KLF12: variants seen among roughly 807,000 people sequenced by gnomAD.
KLF12 encodes KLF transcription factor 12.
KLF12 carries 9 observed loss-of-function variants against 37.8 expected under a neutral mutation model. The ratio of observed to expected loss-of-function variants is 0.24; its 90% CI spans 0.14 to 0.42. The LOEUF is 0.42. Among genes scored for constraint, KLF12 ranks in the 10% least tolerant of loss-of-function variants. The probability of loss-of-function intolerance (pLI) is 1.00; values close to 1 mark genes in which losing one functional copy is unlikely to be tolerated. For missense variants in KLF12, 411 were observed against 516.0 expected (o/e 0.80, Z 1.97); for synonymous variants, 208 against 202.1 (o/e 1.03, Z -0.25).
At chr13:74,105,139 G>A (rs570955032) in intron 1 of KLF12, among the ~76,000 whole-genome samples, 11 of 152,170 alleles carry the variant, frequency 7.2e-5, no homozygotes, top group African/African-American at 2.6e-4. Flanking sequence ...AGGGTTTATT[G>A]GATGACTATT....
the KLF12 span, chr13:74,231,614 T>C: frequency 1.3e-5 from 2 of 152,186 alleles, no homozygotes; most frequent in African/African-American, 4.8e-5. Context: ...ATATACAACA[T>C]AATGTATATG....
chr13:74,300,620 A>G, the KLF12 span, among the ~76,000 whole-genome samples: 1 of 152,122 alleles, frequency 6.6e-6, no homozygotes, highest in South Asian at 2.1e-4. Flanking sequence ...TGAGGAGTAA[A>G]AGATGTCATG....
At chr13:73,780,100 C>T (rs1329598351) in intron 5 of KLF12, among the ~76,000 whole-genome samples, 2 of 152,144 alleles carry the variant, frequency 1.3e-5, no homozygotes, top group Non-Finnish European at 2.9e-5. Context: ...AAAGTGGGGC[C>T]TGAAGATGTG....
the KLF12 span, among the ~76,000 whole-genome samples, chr13:74,300,675 A>T: frequency 1.3e-5 from 2 of 152,168 alleles, no homozygotes; most frequent in Admixed American, 6.6e-5. Flanking sequence ...TTTTTATATA[A>T]AATTCATCCT....
chr13:74,296,877 C>T, the KLF12 span, among the ~76,000 whole-genome samples: 1 of 152,188 alleles, frequency 6.6e-6, no homozygotes. Context: ...TAGTAGGGAA[C>T]TCTTGTCTAC....
chr13:74,258,833 T>A, the KLF12 span: 1 of 152,176 alleles, frequency 6.6e-6, no homozygotes, highest in Non-Finnish European at 1.5e-5. Flanking sequence ...AGACCAGGAT[T>A]TGATGCAAGC....
At chr13:74,227,785 T>C in the KLF12 span, among the ~76,000 whole-genome samples, 1 of 152,142 alleles carries the variant, frequency 6.6e-6, no homozygotes, top group African/African-American at 2.4e-5. Context: ...AAGAAAATAA[T>C]TCCTTTAGAA....
intron 1 of KLF12, among the ~76,000 whole-genome samples, chr13:73,996,080 CA>C (rs1892109828): frequency 6.6e-6 from 1 of 152,138 alleles, no homozygotes; most frequent in Non-Finnish European, 1.5e-5. Flanking sequence ...TGAAATGCAG[CA>C]GAGTTCACAA....
chr13:73,972,879 C>G (rs1019539424), intron 2 of KLF12, among the ~76,000 whole-genome samples: 2 of 151,662 alleles, frequency 1.3e-5, no homozygotes, highest in Admixed American at 6.6e-5. Flanking sequence ...ATAAAGAACA[C>G]GTTTCTACAA....
chr13:74,002,819 T>C (rs938611024), intron 1 of KLF12, among the ~76,000 whole-genome samples: 1 of 152,242 alleles, frequency 6.6e-6, no homozygotes, highest in African/African-American at 2.4e-5. Context: ...GGCAAACACA[T>C]TCTGTTATCA....
chr13:74,171,233 G>A, the KLF12 span, among the ~76,000 whole-genome samples: 1 of 152,176 alleles, frequency 6.6e-6, no homozygotes, highest in Non-Finnish European at 1.5e-5. Context: ...TTAATGCCTT[G>A]CTCAAAGAGT....
At chr13:74,024,764 T>C (rs896221009) in intron 1 of KLF12, among the ~76,000 whole-genome samples, 1 of 152,150 alleles carries the variant, frequency 6.6e-6, no homozygotes, top group Admixed American at 6.5e-5. Context: ...GCAAATGCAC[T>C]TGAGGGGGAA....
intron 1 of KLF12, among the ~76,000 whole-genome samples, chr13:74,092,296 C>CAAAAAAAAAAAAAAAA (rs35528942): frequency 7.3e-6 from 1 of 136,794 alleles, no homozygotes; most frequent in African/African-American, 2.9e-5. Flanking sequence ...GACTCCGTCT[C>CAAAAAAAAAAAAAAAA]AAAAAAAAAA....
chr13:74,287,395 A>AGAGAGAGAGAGAGGGAGAG, the KLF12 span, among the ~76,000 whole-genome samples: 1 of 147,162 alleles, frequency 6.8e-6, no homozygotes, highest in African/African-American at 2.5e-5. Context: ...AGAGAGAGAG[A>AGAGAGAGAGAGAGGGAGAG]ATCCACCTCT....
chr13:74,000,736 T>G (rs1892257625), intron 1 of KLF12, among the ~76,000 whole-genome samples: 1 of 152,224 alleles, frequency 6.6e-6, no homozygotes, highest in East Asian at 1.9e-4. Flanking sequence ...ACATGGAAAT[T>G]ACTCTTTTAA....
intron 3 of KLF12, among the ~76,000 whole-genome samples, chr13:73,849,750 A>C (rs1885231382): frequency 6.6e-6 from 1 of 152,196 alleles, no homozygotes; most frequent in Admixed American, 6.5e-5. Context: ...TAACTCCTCA[A>C]TTCTTGATTC....
chr13:73,724,609 C>T (rs1594010589), intron 6 of KLF12, among the ~76,000 whole-genome samples: 1 of 120,584 alleles, frequency 8.3e-6, no homozygotes, highest in South Asian at 3.0e-4. Flanking sequence ...TAATATTTTA[C>T]CCGCTTTTGA....
At chr13:73,821,203 T>C (rs74095769) in intron 4 of KLF12, among the ~76,000 whole-genome samples, 3,480 of 151,950 alleles carry the variant, frequency 0.023, 88 homozygotes, top group African/African-American at 0.063. Context: ...TAGGTTTCGC[T>C]ACCTATTCTT....
Position 73,997,986 on chromosome 13 carries a change from T to C in KLF12, c.-31-2933A>G, listed in dbSNP as rs182693590. Among the ~76,000 whole-genome samples the C allele has an allele frequency of 5.9e-3, 906 of 152,338 alleles. 14 individuals carry two copies. Among genetic ancestry groups the C allele is most frequent in the African/African-American group, 0.021 (866 of 41,584 alleles). On this transcript the variant is annotated intron_variant, in intron 1 of 7. Transcript: ENST00000377669. ...AGACTGGAGAAATTCCAGTTACACC[T>C]GTTTCTCTTTAGTAGCTGCAAGCAA...
Sources: allele counts gnomAD v4.1 joint callset (sites outside exome capture counted in the v4.1 genomes callset), GRCh38; gene constraint gnomAD v4.1.1; transcripts MANE v1.5; gene names NCBI Gene and HGNC (gene_info 2026-07-23, HGNC 2026-07-21).